ACIN1: variants seen among roughly 807,000 people sequenced by gnomAD.
ACIN1 encodes apoptotic chromatin condensation inducer 1, also known as apoptotic chromatin condensation inducer in the nucleus.
Under a neutral mutation model 146.6 loss-of-function variants are expected in ACIN1, and 16 were observed. The observed-to-expected ratio is 0.11, with a 90% confidence interval of 0.07 to 0.17. The LOEUF is 0.17. Ranked by LOEUF, ACIN1 falls within the 10% of genes least tolerant of loss-of-function variation. The pLI is 1.00. For missense variants in ACIN1, 1,357 were observed against 1,609.3 expected (o/e 0.84, Z 2.68); for synonymous variants, 569 against 582.7 (o/e 0.98, Z 0.34).
At chr14:23,079,107 T>C (rs2047876504) in intron 6 of ACIN1, 69 bp from the exon 7 acceptor site, 1 of 1,467,210 alleles carries the variant, frequency 6.8e-7, no homozygotes, top group Non-Finnish European at 9.2e-7. Flanking sequence ...GATTGCTGAG[T>C]TTTCCAGTTT....
In ACIN1 at chr14:23,061,578, A is replaced by G. The variant is rs1232192037; in HGVS notation, c.3144T>C (p.Thr1048=). 1 of 1,562,508 alleles carries G rather than the reference A, an allele frequency of 6.4e-7. No homozygotes were observed. Among genetic ancestry groups the G allele is most frequent in the Non-Finnish European group, 8.7e-7 (1 of 1,154,356 alleles). The part of the protein sequence containing the change: ...RGLLVDRPSE[T]KTEEQGIPRP... ...GTGGTATTCCCTGCTCCTCTGTCTT[A>G]GTTTCAGAGGGACGGTCCACCAAGA... The change falls in exon 17 of 19, where the codon ACT becomes ACC. Residue 1048 remains threonine, a synonymous_variant. Coordinates refer to ENST00000605057, the MANE Select transcript of ACIN1 (RefSeq NM_001386863.1).
chr14:23,079,951 G>A lies in ACIN1; in HGVS notation c.1384C>T (p.Pro462Ser). ...GGCTGAGCAGATCTGTCTGACTCAG[G>A]TTCAAGATCCTTCTGGGCTGAGTAG... Reference protein sequence around the residue: ...ADYSAQKDLEPESDRSAQPLP... With the variant: ...ADYSAQKDLESESDRSAQPLP... The change falls in exon 6 of 19, where the codon CCT becomes TCT. Residue 462 changes from proline (P) to serine (S), a missense_variant. Around this residue, in one of 4 missense-constraint regions of ACIN1, gnomAD observed 771 missense variants for 746.6 expected, o/e 1.03. Coordinates refer to ENST00000605057, the MANE Select transcript of ACIN1 (RefSeq NM_001386863.1). The A allele has an allele frequency of 6.2e-7, 1 of 1,614,062 alleles. No homozygotes were observed. Among genetic ancestry groups the A allele is most frequent in the South Asian group, 1.1e-5 (1 of 91,076 alleles).
intron 8 of ACIN1, among the ~76,000 whole-genome samples, chr14:23,077,333 ACATTCTACAAAG>A (rs1471182368): frequency 6.6e-6 from 1 of 152,220 alleles, no homozygotes; most frequent in Non-Finnish European, 1.5e-5. Flanking sequence ...TCTACACAGG[ACATTCTACAAAG>A]CAGTTCAGGG....
Position 23,079,933 on chromosome 14 carries a change from C to G in ACIN1, c.1402G>C (p.Ala468Pro). ...KDLEPESDRSAQPLPLKIEEL... is the reference protein window; with the variant it reads ...KDLEPESDRSPQPLPLKIEEL... ...TCAATTTTTAGAGGGAGGGGCTGAG[C>G]AGATCTGTCTGACTCAGGTTCAAGA... The change falls in exon 6 of 19, where the codon GCT becomes CCT. Residue 468 changes from alanine (A) to proline (P), a missense_variant. This residue lies in a region of ACIN1 where 771 missense variants were observed against 746.6 expected (regional missense o/e 1.03). Transcript: ENST00000605057. 1 of 1,614,124 alleles carries G rather than the reference C, an allele frequency of 6.2e-7. No homozygotes were observed. Among genetic ancestry groups the G allele is most frequent in the African/African-American group, 1.3e-5 (1 of 75,032 alleles).
intron 8 of ACIN1, among the ~76,000 whole-genome samples, chr14:23,073,613 G>A (rs1434113438): frequency 6.6e-6 from 1 of 152,068 alleles, no homozygotes; most frequent in Non-Finnish European, 1.5e-5. Context: ...AGCCGAGATC[G>A]TGCCATTGCA....
rs2047873718 is a variant in ACIN1 at position 23,079,042 on chromosome 14, A to T, written c.1789-4T>A. The T allele has an allele frequency of 6.2e-7, 1 of 1,610,416 alleles. No individual in the cohort carries two copies. Among genetic ancestry groups the T allele is most frequent in the African/African-American group, 1.3e-5 (1 of 74,780 alleles). On this transcript the variant is annotated splice_region_variant and splice_polypyrimidine_tract_variant and intron_variant, in intron 6 of 18. Coordinates refer to ENST00000605057, the MANE Select transcript of ACIN1 (RefSeq NM_001386863.1). Reference sequence around the variant, plus strand: ...TGGAGACTCCAGGGCTCAGAGACTAAAACAAAATGAAACACATAACAAGGA... The same window carrying T: ...TGGAGACTCCAGGGCTCAGAGACTATAACAAAATGAAACACATAACAAGGA...
chr14:23,073,800 G>A (rs2047726905), intron 8 of ACIN1, among the ~76,000 whole-genome samples: 1 of 151,824 alleles, frequency 6.6e-6, no homozygotes, highest in Non-Finnish European at 1.5e-5. Flanking sequence ...TGCCTCTGCA[G>A]AAGTGGCTGA....
intron 9 of ACIN1, 96 bp from the exon 10 acceptor site, chr14:23,066,104 CCAAAG>C (rs1373155088): frequency 1.1e-6 from 1 of 920,248 alleles, no homozygotes; most frequent in African/African-American, 1.6e-5. Flanking sequence ...AGCTTAGCCT[CCAAAG>C]ACACAGATAG....
Position 23,078,278 on chromosome 14 carries a change from T to G in ACIN1, c.2008-12A>C, listed in dbSNP as rs778892253. 8.1e-6 allele frequency: 13 copies of G among 1,612,786 alleles called. No individual in the cohort carries two copies. The highest frequency in any genetic ancestry group is 1.0e-5 in the Non-Finnish European group (12 of 1,179,064). On this transcript the variant is annotated splice_polypyrimidine_tract_variant and intron_variant, in intron 7 of 18. Transcript: ENST00000605057. ...TTCTTTGGGCTCCCCTGTCAGGAGA[T>G]AGCAAAAACGAACAGAGCAAAACAT... is the stretch of plus-strand genomic sequence containing the variant.
At chr14:23,074,089 C>T (rs557395296) in intron 8 of ACIN1, among the ~76,000 whole-genome samples, 49 of 151,826 alleles carry the variant, frequency 3.2e-4, no homozygotes, top group Non-Finnish European at 5.9e-4. Flanking sequence ...TCGCGCGTCT[C>T]GGCCTCCCAA....
At chr14:23,086,118 A>C (rs1166959382) in intron 4 of ACIN1, among the ~76,000 whole-genome samples, 1 of 152,216 alleles carries the variant, frequency 6.6e-6, no homozygotes, top group South Asian at 2.1e-4. Flanking sequence ...TGTGAATAAG[A>C]AGCAGGAATG....
chr14:23,087,580 G>T (rs11158012), intron 4 of ACIN1, among the ~76,000 whole-genome samples: 9 of 151,148 alleles, frequency 6.0e-5, no homozygotes, highest in Non-Finnish European at 5.9e-5. Context: ...ATCTATTTCA[G>T]AAATCATTTC....
At chr14:23,078,505 C>T (rs2047857879) in intron 7 of ACIN1, among the ~76,000 whole-genome samples, 2 of 152,152 alleles carry the variant, frequency 1.3e-5, no homozygotes, top group African/African-American at 2.4e-5. Context: ...TTTTCCTTTT[C>T]CTCAGTGATC....
intron 7 of ACIN1, 78 bp downstream of exon 7, chr14:23,078,742 T>TAA (rs2047865357): frequency 6.9e-7 from 1 of 1,453,526 alleles, no homozygotes; most frequent in Admixed American, 2.2e-5. Context: ...CTTAACTTTT[T>TAA]AGTTTTATAG....
Position 23,079,030 on chromosome 14 carries a change from G to C in ACIN1, c.1797C>G (p.Ser599Arg). Residue 599 changes from serine to arginine, a missense_variant, in exon 7 of 19, where the codon AGC (serine) becomes AGG (arginine). This residue lies in a region of ACIN1 where 771 missense variants were observed against 746.6 expected (regional missense o/e 1.03). Transcript: ENST00000605057. ...SASSNSRKSL[S>R]PGVSRDSSTS... ...TGCTGCTGTCCCTGGAGACTCCAGG[G>C]CTCAGAGACTAAAACAAAATGAAAC... 5.0e-6 allele frequency: 8 copies of C among 1,613,508 alleles called. No homozygotes were observed. Among genetic ancestry groups the C allele is most frequent in the Non-Finnish European group, 6.8e-6 (8 of 1,179,656 alleles).
chr14:23,091,783 C>A (rs2048236261), intron 2 of ACIN1, among the ~76,000 whole-genome samples: 1 of 152,096 alleles, frequency 6.6e-6, no homozygotes. Flanking sequence ...GCCACCACAA[C>A]CAGCTCATTT....
At position 23,078,930 on chromosome 14, in the gene ACIN1, A is replaced by T; in HGVS notation, c.1897T>A (p.Cys633Ser). Residue 633 changes from cysteine to serine, a missense_variant, in exon 7 of 19, where the codon TGT becomes AGT. Physicochemically the swap from Cys to Ser is moderately radical, Grantham distance 112 (BLOSUM62 -1). Around this residue, in one of 4 missense-constraint regions of ACIN1, gnomAD observed 771 missense variants for 746.6 expected, o/e 1.03. Transcript: ENST00000605057. ...ATPPVPQLQVCEPKERTSTSS... is the reference protein window; with the variant it reads ...ATPPVPQLQVSEPKERTSTSS... Reference sequence around the variant, plus strand: ...GTGGAAGTCCTCTCCTTTGGCTCACAGACCTGCAGTTGTGGCACTGGTGGA... The same window carrying T: ...GTGGAAGTCCTCTCCTTTGGCTCACTGACCTGCAGTTGTGGCACTGGTGGA... The T allele has an allele frequency of 6.2e-7, 1 of 1,614,196 alleles. No individual in the cohort carries two copies. The highest frequency in any genetic ancestry group is 1.1e-5 in the South Asian group (1 of 91,076).
rs542500263 is a variant in ACIN1, at chr14:23,089,253, C to T, written c.436+729G>A. Among the ~76,000 whole-genome samples, 23 of 152,176 alleles carry T rather than the reference C, an allele frequency of 1.5e-4. No individual in the cohort carries two copies. In the South Asian group the frequency reaches 2.9e-3, roughly 19 times the overall value. On this transcript the variant is annotated intron_variant, in intron 4 of 18. Transcript: ENST00000605057. ...ACAGGGTTTTGCCATGGCTTTTTCA[C>T]GGTTTTTCCAGGCTGGTCTGGAACT...
At chr14:23,062,609 G>GT in intron 14 of ACIN1, 86 bp from the exon 15 acceptor site, 1 of 1,309,178 alleles carries the variant, frequency 7.6e-7, no homozygotes, top group Non-Finnish European at 1.1e-6. Flanking sequence ...TGTCACAGGA[G>GT]TATAGTTTCA....
Sources: gnomAD v4.1 joint callset for allele counts (sites outside exome capture counted in the v4.1 genomes callset) on GRCh38, gnomAD v4.1.1 for gene constraint, gnomAD v4.1.1 regional missense constraint, MANE v1.5 for transcripts, NCBI Gene and HGNC (gene_info 2026-07-23, HGNC 2026-07-21) for gene names.